The following ALOX5AP variants were observed in gnomAD, a reference collection of about 807,000 sequenced individuals.
ALOX5AP encodes the protein arachidonate 5-lipoxygenase-activating protein.
Under a neutral mutation model 18.5 loss-of-function variants are expected in ALOX5AP, and 9 were observed. That is an observed-to-expected ratio of 0.49 (90% CI 0.29 to 0.85). ALOX5AP has a LOEUF of 0.85. Ranked by LOEUF, ALOX5AP falls within the 40% of genes least tolerant of loss-of-function variation. The pLI, the probability that ALOX5AP is intolerant of heterozygous loss-of-function variation, is 0.08. For synonymous variants in ALOX5AP, 81 were observed against 78.6 expected (o/e 1.03, Z -0.16); for missense variants, 172 against 202.5 (o/e 0.85, Z 0.91).
chr13:30,760,974 C>T (rs1951937214), intron 4 of ALOX5AP, among the ~76,000 whole-genome samples: 1 of 152,184 alleles, frequency 6.6e-6, no homozygotes, highest in African/African-American at 2.4e-5. Flanking sequence ...CTGGTGTGCG[C>T]TGTCTAGGCC....
At chr13:30,724,927 T>C (rs79552367) in intron 1 of ALOX5AP, among the ~76,000 whole-genome samples, 19,021 of 152,236 alleles carry the variant, frequency 0.12, 1,432 homozygotes, top group South Asian at 0.22. Flanking sequence ...AGTCTGCATC[T>C]GTGGCTTCAT....
At chr13:30,735,430 TAGTTAAAA>T, upstream of ALOX5AP, 1 of 1,220,824 alleles carries the variant, frequency 8.2e-7, no homozygotes, top group Non-Finnish European at 1.1e-6. Context: ...TTTTGGTGGT[TAGTTAAAA>T]AAAAAAAAAA....
intron 4 of ALOX5AP, among the ~76,000 whole-genome samples, chr13:30,761,151 C>T (rs752838165): frequency 2.3e-4 from 35 of 152,178 alleles, no homozygotes; most frequent in Admixed American, 8.5e-4. Context: ...GGCCTGGGGT[C>T]ACATTCCCTG....
chr13:30,741,697 CTG>C (rs1284701929), intron 1 of ALOX5AP, among the ~76,000 whole-genome samples: 1 of 151,950 alleles, frequency 6.6e-6, no homozygotes, highest in African/African-American at 2.4e-5. Context: ...GCATGAGCCA[CTG>C]TGTGTGGCCT....
At chr13:30,750,096 T>C (rs1455203108) in intron 2 of ALOX5AP, among the ~76,000 whole-genome samples, 4 of 152,226 alleles carry the variant, frequency 2.6e-5, no homozygotes, top group African/African-American at 9.6e-5. Flanking sequence ...GAGTTTTAAA[T>C]TCTGAAGGCC....
At chr13:30,741,834 T>TTG (rs1401222806) in intron 1 of ALOX5AP, among the ~76,000 whole-genome samples, 47 of 150,878 alleles carry the variant, frequency 3.1e-4, no homozygotes, top group African/African-American at 1.1e-3. Flanking sequence ...GTTTTCTGTT[T>TTG]TTTTTTTTTT....
At chr13:30,744,202 C>T (rs1951790305) in intron 2 of ALOX5AP, 43 bp downstream of exon 2, 1 of 1,564,168 alleles carries the variant, frequency 6.4e-7, no homozygotes, top group South Asian at 1.1e-5. Flanking sequence ...GGGGCATGGG[C>T]AGGGGGGCCT....
At chr13:30,761,019 G>A (rs1951937558) in intron 4 of ALOX5AP, among the ~76,000 whole-genome samples, 2 of 152,176 alleles carry the variant, frequency 1.3e-5, no homozygotes, top group Admixed American at 6.5e-5. Context: ...CAGCATTTCA[G>A]GTTCTCCGCA....
intron 1 of ALOX5AP, among the ~76,000 whole-genome samples, chr13:30,741,594 A>T (rs1360096659): frequency 3.2e-5 from 4 of 123,648 alleles, no homozygotes; most frequent in African/African-American, 1.2e-4. Context: ...TTTTTAGTAG[A>T]GATGGGGTGT....
intron 1 of ALOX5AP, among the ~76,000 whole-genome samples, chr13:30,723,381 T>G (rs534469619): frequency 2.3e-4 from 35 of 152,326 alleles, no homozygotes; most frequent in Admixed American, 4.6e-4. Flanking sequence ...CTGTATTGCT[T>G]TTTCTCCTTT....
intron 1 of ALOX5AP, chr13:30,713,970 G>T (rs1227719137): frequency 2.0e-6 from 2 of 1,011,414 alleles, no homozygotes; most frequent in Non-Finnish European, 2.8e-6. Flanking sequence ...GCAGTATTGG[G>T]CAGCTAGAGT....
chr13:30,723,433 A>G (rs1475886842), intron 1 of ALOX5AP, among the ~76,000 whole-genome samples: 1 of 152,226 alleles, frequency 6.6e-6, no homozygotes, highest in Non-Finnish European at 1.5e-5. Flanking sequence ...TCACAGATGA[A>G]TGGTCCTATT....
chr13:30,737,399 T>A (rs1206065760), intron 1 of ALOX5AP, among the ~76,000 whole-genome samples: 1 of 152,160 alleles, frequency 6.6e-6, no homozygotes, highest in African/African-American at 2.4e-5. Flanking sequence ...CCTGTTCAGA[T>A]TGAGGTGAGT....
intron 3 of ALOX5AP, 146 bp downstream of exon 3, chr13:30,752,268 C>G: frequency 1.3e-6 from 1 of 750,882 alleles, no homozygotes; most frequent in East Asian, 2.6e-5. Flanking sequence ...CTCGGGAGGC[C>G]GTGTTTCAGG....
chr13:30,748,001 C>T (rs926560370), intron 2 of ALOX5AP, among the ~76,000 whole-genome samples: 1 of 152,074 alleles, frequency 6.6e-6, no homozygotes, highest in Admixed American at 6.6e-5. Flanking sequence ...CTGACTGCAA[C>T]CTCTGCCTTC....
intron 4 of ALOX5AP, among the ~76,000 whole-genome samples, chr13:30,760,242 A>G (rs1164592514): frequency 4.2e-5 from 6 of 141,964 alleles, no homozygotes; most frequent in Non-Finnish European, 9.2e-5. Context: ...GTTCACATTA[A>G]GAACCTGGGG....
At chr13:30,752,222 G>A in intron 3 of ALOX5AP, 100 bp downstream of exon 3, 1 of 1,256,004 alleles carries the variant, frequency 8.0e-7, no homozygotes, top group Non-Finnish European at 1.1e-6. Flanking sequence ...CCTGACCTCT[G>A]GCTCCCATCT....
chr13:30,755,793 G>A lies in ALOX5AP; in HGVS notation c.242-151G>A, dbSNP rs1951888468. On this transcript the variant is annotated intron_variant, in intron 3 of 4. Transcript: ENST00000380490. ...TAAGGTCGTTACCAGTATTAGGAAG[G>A]TTCTCAGGTTTCCTCTAGCCCTTGG... 8.7e-6 allele frequency: 6 copies of A among 685,812 alleles called. No individual in the cohort carries two copies. In the South Asian group the frequency reaches 1.1e-4, roughly 12 times the overall value. 42.5% of individuals were successfully genotyped at this position (685,812 alleles called of 1,614,324 possible).
intron 1 of ALOX5AP, among the ~76,000 whole-genome samples, chr13:30,716,609 C>A (rs1450414585): frequency 6.6e-6 from 1 of 152,176 alleles, no homozygotes; most frequent in Non-Finnish European, 1.5e-5. Context: ...TATCAGCCCC[C>A]CTGCAATGAG....
Sources: allele counts gnomAD v4.1 joint callset (sites outside exome capture counted in the v4.1 genomes callset), GRCh38; gene constraint gnomAD v4.1.1; transcripts MANE v1.5; gene names NCBI Gene and HGNC (gene_info 2026-07-23, HGNC 2026-07-21).